CYP7B1: variants seen among roughly 807,000 people sequenced by gnomAD.
CYP7B1 encodes the protein cytochrome P450 7B1.
A neutral mutation model predicts 42.7 loss-of-function variants in CYP7B1; 29 were observed. That is an observed-to-expected ratio of 0.68 (90% CI 0.51 to 0.93). The LOEUF is 0.93. Ranked by LOEUF, CYP7B1 falls within the 40% of genes least tolerant of loss-of-function variation. The pLI is 0.00. For missense variants in CYP7B1, 655 were observed against 600.5 expected (o/e 1.09, Z -0.95); for synonymous variants, 235 against 218.2 (o/e 1.08, Z -0.68).
chr8:64,797,840 C>T (rs897876499), intron 1 of CYP7B1, among the ~76,000 whole-genome samples: 15 of 152,216 alleles, frequency 9.9e-5, no homozygotes, highest in African/African-American at 2.4e-4. Flanking sequence ...TCTACTTCCA[C>T]AATTCAAATT....
chr8:64,731,721 T>TA (rs1807412418), intron 1 of CYP7B1, among the ~76,000 whole-genome samples: 1 of 152,170 alleles, frequency 6.6e-6, no homozygotes, highest in Non-Finnish European at 1.5e-5. Flanking sequence ...CCCAGAGGCC[T>TA]AGGAGGAAAA....
rs1260360498 is a variant in CYP7B1 at position 64,675,814 on chromosome 8, A to G, written c.123-51275T>C. On this transcript the variant is annotated intron_variant, in intron 1 of 5. Coordinates refer to ENST00000310193, the MANE Select transcript of CYP7B1 (RefSeq NM_004820.5). The stretch of plus-strand genomic sequence containing the variant: ...CTAGGTCCTGACTAAGGGTTCATAC[A>G]TTTTTCCTGTGAGATTCACAAAAAC... Among the ~76,000 whole-genome samples the G allele has an allele frequency of 3.3e-5, 5 of 152,044 alleles. 1 individual carries two copies. The highest frequency in any genetic ancestry group is 1.2e-4 in the African/African-American group (5 of 41,388).
At chr8:64,589,363 C>G (rs2129629559), downstream of CYP7B1, among the ~76,000 whole-genome samples, 3 of 152,272 alleles carry the variant, frequency 2.0e-5, no homozygotes, top group East Asian at 5.8e-4. Flanking sequence ...TAAGTCTAAA[C>G]TTAGTTCAAA....
intron 1 of CYP7B1, among the ~76,000 whole-genome samples, chr8:64,712,816 T>A (rs1426123725): frequency 6.6e-6 from 1 of 151,662 alleles, no homozygotes; most frequent in East Asian, 1.9e-4. Flanking sequence ...GAAATTTGTA[T>A]AATTAATTTT....
In CYP7B1 at chr8:64,640,882, G is replaced by A. The variant is rs568363905; in HGVS notation, c.123-16343C>T. On this transcript the variant is annotated intron_variant, in intron 1 of 5. Coordinates refer to ENST00000310193, the MANE Select transcript of CYP7B1 (RefSeq NM_004820.5). ...GTTTTGCACTTGTGATGAGCCCAGA[G>A]GTGATAATCCTATAAAGTAAATAAG... Among the ~76,000 whole-genome samples, 181 of 152,244 alleles carry A rather than the reference G, an allele frequency of 1.2e-3. 1 individual carries two copies. The highest frequency in any genetic ancestry group is 1.9e-3 in the Non-Finnish European group (128 of 68,008).
chr8:64,769,441 T>C (rs1486527208), intron 1 of CYP7B1, among the ~76,000 whole-genome samples: 1 of 152,166 alleles, frequency 6.6e-6, no homozygotes, highest in Non-Finnish European at 1.5e-5. Flanking sequence ...TCTATAAAAG[T>C]TGAGAGCCCA....
chr8:64,717,355 T>C lies in CYP7B1; in HGVS notation c.122+81111A>G, dbSNP rs75811733. The stretch of plus-strand genomic sequence containing the variant: ...CATTTTGGTTGAACATTTCAGAATG[T>C]TGTGAAAATTGTACGACTGTTTATT... On this transcript the variant is annotated intron_variant, in intron 1 of 5. Coordinates refer to ENST00000310193, the MANE Select transcript of CYP7B1 (RefSeq NM_004820.5). 1.6e-4 allele frequency among the ~76,000 whole-genome samples: 24 copies of C among 152,344 alleles called. No homozygotes were observed. The East Asian group carries it at 4.6e-3, about 29-fold the overall frequency.
At chr8:64,698,286 G>A (rs1436200308) in intron 1 of CYP7B1, among the ~76,000 whole-genome samples, 2 of 152,122 alleles carry the variant, frequency 1.3e-5, no homozygotes, top group African/African-American at 4.8e-5. Context: ...ACGTTGGCAT[G>A]GTGTTGATTT....
intron 1 of CYP7B1, among the ~76,000 whole-genome samples, chr8:64,757,519 G>C (rs1446389114): frequency 6.6e-6 from 1 of 152,130 alleles, no homozygotes; most frequent in African/African-American, 2.4e-5. Flanking sequence ...CCTTTATAAG[G>C]TTCATGGAGA....
At chr8:64,766,982 C>A (rs935405164) in intron 1 of CYP7B1, among the ~76,000 whole-genome samples, 26 of 152,204 alleles carry the variant, frequency 1.7e-4, no homozygotes, top group Non-Finnish European at 3.4e-4. Context: ...CAGGCAGTCA[C>A]TAGATACTTC....
At chr8:64,587,536 A>T (rs1804984752), downstream of CYP7B1, among the ~76,000 whole-genome samples, 1 of 152,212 alleles carries the variant, frequency 6.6e-6, no homozygotes, top group Non-Finnish European at 1.5e-5. Flanking sequence ...AACCCGAAGC[A>T]TCCGCGAAAG....
At chr8:64,668,758 T>C (rs1806321105) in intron 1 of CYP7B1, among the ~76,000 whole-genome samples, 1 of 148,964 alleles carries the variant, frequency 6.7e-6, no homozygotes, top group Non-Finnish European at 1.5e-5. Context: ...AAGAGAACAC[T>C]AAGACTTTAT....
At chr8:64,622,150 C>A (rs1805541044) in intron 2 of CYP7B1, among the ~76,000 whole-genome samples, 1 of 149,160 alleles carries the variant, frequency 6.7e-6, no homozygotes, top group African/African-American at 2.6e-5. Flanking sequence ...GCATAAAATG[C>A]ATTATTTGCA....
At chr8:64,722,621 T>C (rs1807256076) in intron 1 of CYP7B1, among the ~76,000 whole-genome samples, 2 of 151,866 alleles carry the variant, frequency 1.3e-5, no homozygotes, top group African/African-American at 4.8e-5. Context: ...TGTGGGATAT[T>C]TGCAATTTTC....
chr8:64,634,789 C>T (rs1343101261), intron 1 of CYP7B1, among the ~76,000 whole-genome samples: 2 of 151,996 alleles, frequency 1.3e-5, no homozygotes, highest in Non-Finnish European at 2.9e-5. Flanking sequence ...CAAGCAGAAC[C>T]TACCTGAACT....
intron 1 of CYP7B1, among the ~76,000 whole-genome samples, chr8:64,667,962 A>C (rs920000003): frequency 2.6e-5 from 4 of 152,162 alleles, no homozygotes; most frequent in Non-Finnish European, 5.9e-5. Context: ...GTCCTATCAA[A>C]TTCTCTGTAC....
intron 1 of CYP7B1, among the ~76,000 whole-genome samples, chr8:64,628,502 G>T (rs1402387478): frequency 6.6e-6 from 1 of 151,968 alleles, no homozygotes; most frequent in East Asian, 1.9e-4. Flanking sequence ...AAAAAATTTA[G>T]CTGGGCAGGG....
intron 4 of CYP7B1, among the ~76,000 whole-genome samples, chr8:64,609,573 G>T (rs1805334591): frequency 6.6e-6 from 1 of 152,104 alleles, no homozygotes; most frequent in African/African-American, 2.4e-5. Flanking sequence ...TGCCATGCTG[G>T]ATGAATTCAA....
chr8:64,607,892 C>A (rs572067550), intron 4 of CYP7B1, among the ~76,000 whole-genome samples: 21 of 152,256 alleles, frequency 1.4e-4, no homozygotes, highest in African/African-American at 4.8e-4. Flanking sequence ...ATCAAGAATG[C>A]AAATATTTTG....
Sources: gnomAD v4.1 joint callset for allele counts (sites outside exome capture counted in the v4.1 genomes callset) on GRCh38, gnomAD v4.1.1 for gene constraint, MANE v1.5 for transcripts, NCBI Gene and HGNC (gene_info 2026-07-23, HGNC 2026-07-21) for gene names.